The following UBE2V1 variants were observed in gnomAD, a reference collection of about 807,000 sequenced individuals.
The protein encoded by UBE2V1 is ubiquitin conjugating enzyme E2 V1.
UBE2V1 carries 15 observed loss-of-function variants against 19.6 expected under a neutral mutation model. The observed-to-expected ratio is 0.77, with a 90% CI of 0.51 to 1.18. UBE2V1 has a LOEUF of 1.18. UBE2V1 is among the 50% of genes most tolerant of loss of function. UBE2V1 has a pLI of 0.00. For missense variants in UBE2V1, 125 were observed against 184.8 expected, an observed-to-expected ratio of 0.68 and a Z score of 1.88; for synonymous variants, 60 against 60.7, an observed-to-expected ratio of 0.99 and a Z score of 0.05.
chr20:50,084,369 A>G, intron 2 of UBE2V1, 115 bp from the exon 3 acceptor site: 1 of 1,583,982 alleles, frequency 6.3e-7, no homozygotes, highest in Non-Finnish European at 8.6e-7. Flanking sequence ...TGCTTCCAGC[A>G]TGGAGTCTAC....
In UBE2V1 at chr20:50,082,185, G is replaced by A. The variant is rs2078672367; in HGVS notation, c.*583C>T. On this transcript the variant is annotated 3_prime_UTR_variant, in exon 4 of 4. Transcript: ENST00000371674. ...ACAATCTATGCTTCGGCCAAGGGCGGGAGTGGAGGAGCGTGGGGACAGGAT... is the reference window on the plus strand; with the variant it reads ...ACAATCTATGCTTCGGCCAAGGGCGAGAGTGGAGGAGCGTGGGGACAGGAT... The A allele has an allele frequency of 6.4e-6, 1 of 157,264 alleles. No homozygotes were observed. The highest frequency in any genetic ancestry group is 1.4e-5 in the Non-Finnish European group (1 of 71,298). The allele number at this position is 157,264 out of a possible 1,614,324, so 9.7% of individuals were successfully genotyped here.
chr20:50,112,649 T>C (rs1425020490), intron 1 of UBE2V1, among the ~76,000 whole-genome samples: 1 of 152,202 alleles, frequency 6.6e-6, no homozygotes, highest in Non-Finnish European at 1.5e-5. Flanking sequence ...CCATCCAGCC[T>C]GAAGGGCTTC....
intron 1 of UBE2V1, 87 bp downstream of exon 1, chr20:50,113,020 G>T: frequency 1.8e-6 from 1 of 549,126 alleles, no homozygotes; most frequent in Non-Finnish European, 2.8e-6. Flanking sequence ...GGGGACCCTG[G>T]CTCCGCTGCA....
At chr20:50,097,211 C>G (rs544225988) in intron 1 of UBE2V1, among the ~76,000 whole-genome samples, 1 of 152,140 alleles carries the variant, frequency 6.6e-6, no homozygotes, top group Admixed American at 6.5e-5. Context: ...GCTAAGACTA[C>G]GCTTATTTGT....
intron 2 of UBE2V1, among the ~76,000 whole-genome samples, chr20:50,085,987 C>A (rs745446217): frequency 2.6e-5 from 4 of 152,146 alleles, no homozygotes; most frequent in Non-Finnish European, 5.9e-5. Context: ...CCTCCACCAC[C>A]GTCACCTCTT....
At chr20:50,086,490 G>A (rs961441998) in intron 2 of UBE2V1, among the ~76,000 whole-genome samples, 1 of 152,018 alleles carries the variant, frequency 6.6e-6, no homozygotes, top group African/African-American at 2.4e-5. Context: ...AGAACAAGTA[G>A]GAAGCAAACA....
intron 1 of UBE2V1, chr20:50,108,932 A>G (rs773744068): frequency 7.1e-6 from 7 of 985,410 alleles, no homozygotes; most frequent in Non-Finnish European, 8.4e-6. Flanking sequence ...CCAAGATTAA[A>G]CACTCCAAGA....
At chr20:50,099,621 C>T (rs1003494717) in intron 1 of UBE2V1, among the ~76,000 whole-genome samples, 1 of 152,212 alleles carries the variant, frequency 6.6e-6, no homozygotes, top group African/African-American at 2.4e-5. Context: ...GTGCGACTGT[C>T]ATTCCTGCTG....
intron 1 of UBE2V1, among the ~76,000 whole-genome samples, chr20:50,107,153 GTTC>G (rs1290867893): frequency 6.6e-6 from 1 of 152,190 alleles, no homozygotes; most frequent in Non-Finnish European, 1.5e-5. Context: ...CAGGAGATCT[GTTC>G]TTCTCCTTCT....
intron 2 of UBE2V1, among the ~76,000 whole-genome samples, chr20:50,092,293 C>T (rs1243584438): frequency 6.6e-6 from 1 of 152,070 alleles, no homozygotes; most frequent in Non-Finnish European, 1.5e-5. Context: ...CTGCACTCCA[C>T]CCTGGGCAAC....
intron 2 of UBE2V1, among the ~76,000 whole-genome samples, chr20:50,086,393 A>C (rs1453532622): frequency 1.3e-5 from 2 of 152,138 alleles, no homozygotes; most frequent in Non-Finnish European, 2.9e-5. Flanking sequence ...TGTTTGTTGA[A>C]TGTTTCTCTT....
Position 50,087,826 on chromosome 20 carries a change from C to T in UBE2V1, c.172-3572G>A, listed in dbSNP as rs541115938. On this transcript the variant is annotated intron_variant, in intron 2 of 3. Transcript: ENST00000371674. ...ATATGAACATGGCATATTCATATAACCCGGAGACTTCGTAGCCTTCTCAAA... is the reference window on the plus strand; with the variant it reads ...ATATGAACATGGCATATTCATATAATCCGGAGACTTCGTAGCCTTCTCAAA... Among the ~76,000 whole-genome samples, 20 of 152,192 alleles carry T rather than the reference C, an allele frequency of 1.3e-4. No homozygotes were observed. In the South Asian group the frequency reaches 1.7e-3, roughly 13 times the overall value.
chr20:50,113,070 G>A (rs2080875443), intron 1 of UBE2V1, 37 bp downstream of exon 1: 1 of 991,072 alleles, frequency 1.0e-6, no homozygotes. Flanking sequence ...CCAAGCCCAT[G>A]CCCCCTCGGC....
intron 2 of UBE2V1, among the ~76,000 whole-genome samples, chr20:50,094,300 TATATA>T (rs1227337651): frequency 2.6e-5 from 2 of 75,978 alleles, no homozygotes; most frequent in Admixed American, 1.3e-4. Flanking sequence ...TATATAATTA[TATATA>T]ATATATGTCC....
chr20:50,095,370 G>A (rs927528444), intron 2 of UBE2V1: 9 of 152,310 alleles, frequency 5.9e-5, no homozygotes, highest in Non-Finnish European at 1.2e-4. Flanking sequence ...GTATTTAGCA[G>A]ACGCAGAAAA....
At chr20:50,101,467 G>GGAGTGCAA (rs2079987404) in intron 1 of UBE2V1, among the ~76,000 whole-genome samples, 1 of 131,582 alleles carries the variant, frequency 7.6e-6, no homozygotes, top group African/African-American at 3.0e-5. Flanking sequence ...TCCCTAGGCT[G>GGAGTGCAA]GAGTGCAATG....
rs76794032 is a variant in UBE2V1, at chr20:50,098,602, G to A, written c.23-1782C>T. Among the ~76,000 whole-genome samples the A allele has an allele frequency of 6.2e-3, 951 of 152,248 alleles. 18 individuals carry two copies. The highest frequency in any genetic ancestry group is 0.022 in the African/African-American group (906 of 41,546). ...GTGTGAGAGACAAGAGTCAACTACA[G>A]CTCCCAGGTTTTTGGTCCAAGCAAC... On this transcript the variant is annotated intron_variant, in intron 1 of 3. Coordinates refer to ENST00000371674, the MANE Select transcript of UBE2V1 (RefSeq NM_001032288.3).
intron 2 of UBE2V1, among the ~76,000 whole-genome samples, chr20:50,091,647 C>A (rs112515032): frequency 0.068 from 10,363 of 152,094 alleles, 397 homozygotes; most frequent in Middle Eastern, 0.11. Context: ...CCCGCCTTGG[C>A]CTCCCAAAGT....
At chr20:50,111,613 A>T in intron 1 of UBE2V1, 1 of 998,718 alleles carries the variant, frequency 1.0e-6, no homozygotes, top group Non-Finnish European at 1.2e-6. Context: ...ATTCTGCAAG[A>T]AGACCCCACT....
Sources: allele counts gnomAD v4.1 joint callset (sites outside exome capture counted in the v4.1 genomes callset), GRCh38; gene constraint gnomAD v4.1.1; transcripts MANE v1.5; gene names NCBI Gene and HGNC (gene_info 2026-07-23, HGNC 2026-07-21).